The following NRCAM variants were observed in gnomAD, a reference collection of about 807,000 sequenced individuals.
NRCAM encodes the protein NgCAM-related cell adhesion molecule.
A neutral mutation model predicts 156.5 loss-of-function variants in NRCAM; 83 were observed. That is an observed-to-expected ratio of 0.53 (90% confidence interval 0.44 to 0.64). NRCAM has a LOEUF of 0.64. NRCAM is among the 30% of genes least tolerant of loss of function. NRCAM has a pLI of 0.00. For synonymous variants in NRCAM, 538 were observed against 563.9 expected, an observed-to-expected ratio of 0.95 and a Z score of 0.65; for missense variants, 1,417 against 1,597.3, an observed-to-expected ratio of 0.89 and a Z score of 1.92.
chr7:108,312,348 T>C (rs887129241), intron 3 of NRCAM, among the ~76,000 whole-genome samples: 5 of 152,196 alleles, frequency 3.3e-5, no homozygotes, highest in African/African-American at 7.2e-5. Flanking sequence ...AGTCCCTTTA[T>C]AAACATTTTT....
At chr7:108,361,808 A>C (rs2099553416) in intron 2 of NRCAM, among the ~76,000 whole-genome samples, 1 of 152,196 alleles carries the variant, frequency 6.6e-6, no homozygotes, top group Admixed American at 6.5e-5. Flanking sequence ...GAAATGTATA[A>C]GTATTTGCAT....
At chr7:108,231,528 T>C (rs2094328940) in intron 7 of NRCAM, among the ~76,000 whole-genome samples, 3 of 152,148 alleles carry the variant, frequency 2.0e-5, no homozygotes, top group South Asian at 2.1e-4. Flanking sequence ...CTGAATACCA[T>C]AGAGTATTAT....
chr7:108,268,630 G>T (rs1275790055), intron 3 of NRCAM, among the ~76,000 whole-genome samples: 1 of 119,238 alleles, frequency 8.4e-6, no homozygotes, highest in Non-Finnish European at 1.9e-5. Context: ...GGGGGTGGGG[G>T]GGGGTTGGGG....
chr7:108,191,605 A>T, intron 18 of NRCAM, 124 bp downstream of exon 18: 1 of 1,166,526 alleles, frequency 8.6e-7, no homozygotes, highest in South Asian at 2.0e-5. Flanking sequence ...GAAGAAAAAC[A>T]TGGGTATGAA....
chr7:108,386,522 A>G (rs2099741341), intron 2 of NRCAM, among the ~76,000 whole-genome samples: 1 of 152,170 alleles, frequency 6.6e-6, no homozygotes, highest in Non-Finnish European at 1.5e-5. Context: ...ACAAGATCTG[A>G]GTCACAAAAG....
intron 3 of NRCAM, among the ~76,000 whole-genome samples, chr7:108,247,778 T>C (rs531527475): frequency 7.2e-5 from 11 of 152,284 alleles, no homozygotes; most frequent in African/African-American, 2.6e-4. Flanking sequence ...ATACTAGAAC[T>C]CTGGCTGAGG....
chr7:108,407,993 T>C (rs1790549443), intron 1 of NRCAM, among the ~76,000 whole-genome samples: 1 of 152,200 alleles, frequency 6.6e-6, no homozygotes, highest in Admixed American at 6.5e-5. Context: ...TAATCTAATA[T>C]ATAATGAATC....
intron 2 of NRCAM, among the ~76,000 whole-genome samples, chr7:108,396,551 T>C (rs1295056336): frequency 6.6e-6 from 1 of 152,236 alleles, no homozygotes; most frequent in Non-Finnish European, 1.5e-5. Context: ...CCACAATTTA[T>C]TGTATATTTC....
At chr7:108,344,867 C>A (rs550371257) in intron 2 of NRCAM, among the ~76,000 whole-genome samples, 110 of 152,218 alleles carry the variant, frequency 7.2e-4, no homozygotes, top group Admixed American at 1.1e-3. Context: ...AACCTTATTT[C>A]CAAACAAAAA....
rs898723701 is a variant in NRCAM at position 108,272,664 on chromosome 7, CAT to C, written c.-106-32496_-106-32495del. On this transcript the variant is annotated intron_variant, in intron 3 of 32. Coordinates refer to ENST00000379028, the MANE Select transcript of NRCAM (RefSeq NM_001037132.4). ...TAGAATTTTGATTTTAAAAAGGTAA[CAT>C]ATATATATCACTTTGATTATATATA... Among the ~76,000 whole-genome samples, 8 of 151,606 alleles carry C rather than the reference CAT, an allele frequency of 5.3e-5. No individual in the cohort carries two copies. The East Asian group carries it at 1.5e-3, about 29-fold the overall frequency.
At chr7:108,288,570 C>G (rs578097769) in intron 3 of NRCAM, among the ~76,000 whole-genome samples, 2 of 152,074 alleles carry the variant, frequency 1.3e-5, no homozygotes, top group African/African-American at 4.8e-5. Flanking sequence ...TCAATTCATA[C>G]GTTATTGCAT....
At chr7:108,376,624 C>T (rs998903999) in intron 2 of NRCAM, among the ~76,000 whole-genome samples, 3 of 152,106 alleles carry the variant, frequency 2.0e-5, no homozygotes, top group African/African-American at 7.2e-5. Context: ...GTATGCCTGC[C>T]TAATTCTCTT....
At chr7:108,187,004 A>G (rs555209474) in intron 20 of NRCAM, among the ~76,000 whole-genome samples, 1 of 152,142 alleles carries the variant, frequency 6.6e-6, no homozygotes, top group Admixed American at 6.5e-5. Context: ...GTGTTTTTTT[A>G]ATATCAGAAT....
chr7:108,220,253 T>C (rs1010420032), intron 11 of NRCAM, among the ~76,000 whole-genome samples: 1 of 152,108 alleles, frequency 6.6e-6, no homozygotes, highest in Admixed American at 6.5e-5. Context: ...GAATCAATAT[T>C]GTGAAAATGA....
Position 108,160,368 on chromosome 7 carries a change from T to C in NRCAM, c.3591A>G (p.Lys1197=). The change falls in exon 31 of 33, where the codon AAA becomes AAG. Residue 1197 remains lysine, a synonymous_variant. Transcript: ENST00000379028. The stretch of plus-strand genomic sequence containing the variant: ...TTAATCTTTCTTTCTTACCTGGATA[T>C]TTACCACCCTTGTTTCTTCTGATGA... ...VCFIRRNKGG[K]YPVKEKEDAH... is the part of the protein sequence containing the mutation. The C allele has an allele frequency of 6.2e-7, 1 of 1,613,034 alleles. No homozygotes were observed. The highest frequency in any genetic ancestry group is 8.5e-7 in the Non-Finnish European group (1 of 1,179,300).
chr7:108,150,552 G>C (rs546874897), intron 32 of NRCAM: 2 of 422,420 alleles, frequency 4.7e-6, no homozygotes, highest in Non-Finnish European at 9.4e-6. Context: ...TAATATCTCT[G>C]ATTCCTTGGT....
chr7:108,290,306 G>GATC (rs1480527071), intron 3 of NRCAM, among the ~76,000 whole-genome samples: 1 of 152,048 alleles, frequency 6.6e-6, no homozygotes, highest in Non-Finnish European at 1.5e-5. Flanking sequence ...AAGCAAAAAG[G>GATC]ATCATCTGCC....
At chr7:108,338,693 G>A (rs1322278177) in intron 2 of NRCAM, among the ~76,000 whole-genome samples, 1 of 151,748 alleles carries the variant, frequency 6.6e-6, no homozygotes, top group Non-Finnish European at 1.5e-5. Context: ...GAGAAAGAAA[G>A]AAAAAGAAAT....
intron 2 of NRCAM, among the ~76,000 whole-genome samples, chr7:108,384,360 T>C (rs2099726750): frequency 6.6e-6 from 1 of 151,232 alleles, no homozygotes; most frequent in Non-Finnish European, 1.5e-5. Flanking sequence ...GGTGAACTGG[T>C]AGAAAAAAAA....
Sources: gnomAD v4.1 joint callset for allele counts (sites outside exome capture counted in the v4.1 genomes callset) on GRCh38, gnomAD v4.1.1 for gene constraint, MANE v1.5 for transcripts, NCBI Gene and HGNC (gene_info 2026-07-23, HGNC 2026-07-21) for gene names.